The following BTG2 variants were observed in gnomAD, a reference collection of about 807,000 sequenced individuals.
The protein encoded by BTG2 is protein BTG2.
In BTG2, 9 loss-of-function variants were observed where a neutral mutation model predicts 13.1. That is an observed-to-expected ratio of 0.69 (90% CI 0.41 to 1.20). The LOEUF (loss-of-function observed/expected upper bound fraction) is 1.20. Ranked by LOEUF, BTG2 falls within the 50% of genes most tolerant of loss-of-function variation. The probability of loss-of-function intolerance (pLI) is 0.00; values close to 1 mark genes in which losing one functional copy is unlikely to be tolerated. For synonymous variants in BTG2, 92 were observed against 88.6 expected (o/e 1.04, Z -0.21); for missense variants, 200 against 209.5 (o/e 0.95, Z 0.28).
rs61749326 is a variant in BTG2, at chr1:203,307,309, C to T, written c.348C>T (p.Asp116=). 15,628 of 1,614,140 alleles carry T rather than the reference C, an allele frequency of 9.7e-3. 112 individuals carry two copies. The highest frequency in any genetic ancestry group is 0.012 in the Non-Finnish European group (14,028 of 1,180,008). ...AGGTGTCCTACCGCATTGGGGAGGACGGCTCCATCTGCGTCTTGTACGAGG... is the reference window on the plus strand; with the variant it reads ...AGGTGTCCTACCGCATTGGGGAGGATGGCTCCATCTGCGTCTTGTACGAGG... ...PYEVSYRIGE[D]GSICVLYEEA... The change falls in exon 2 of 2, where the codon GAC becomes GAT. Residue 116 remains aspartate, a synonymous_variant. Coordinates refer to ENST00000290551, the MANE Select transcript of BTG2 (RefSeq NM_006763.3).
In BTG2 at chr1:203,305,566, T is replaced by A; in HGVS notation, c.-41T>A. On this transcript the variant is annotated 5_prime_UTR_variant, in exon 1 of 2. Transcript: ENST00000290551. Reference sequence around the variant, plus strand: ...TAACGCTGTCTTGTGGACCCGCACTTCCCACCCGAGACCTCTCACTGAGCC... The same window carrying A: ...TAACGCTGTCTTGTGGACCCGCACTACCCACCCGAGACCTCTCACTGAGCC... 1 of 1,583,566 alleles carries A rather than the reference T, an allele frequency of 6.3e-7. No individual in the cohort carries two copies. Among genetic ancestry groups the A allele is most frequent in the Non-Finnish European group, 8.6e-7 (1 of 1,164,650 alleles).
chr1:203,306,025 A>G (rs1658253903), intron 1 of BTG2, among the ~76,000 whole-genome samples: 1 of 152,126 alleles, frequency 6.6e-6, no homozygotes, highest in African/African-American at 2.4e-5. Flanking sequence ...CCGAGTCCCC[A>G]GCTTATGCCC....
At chr1:203,306,800 GCACA>G (rs34485564) in intron 1 of BTG2, among the ~76,000 whole-genome samples, 2,531 of 142,822 alleles carry the variant, frequency 0.018, 44 homozygotes, top group Middle Eastern at 0.06. Context: ...CTCCCAACAC[GCACA>G]CACACACACA....
At chr1:203,306,385 A>G (rs1224005162) in intron 1 of BTG2, among the ~76,000 whole-genome samples, 2 of 152,168 alleles carry the variant, frequency 1.3e-5, no homozygotes, top group South Asian at 2.1e-4. Flanking sequence ...AGAGATAAGC[A>G]GCCCGCTCGC....
Position 203,308,020 on chromosome 1 carries a change from C to G in BTG2, c.*582C>G, listed in dbSNP as rs1317100154. On this transcript the variant is annotated 3_prime_UTR_variant, in exon 2 of 2. Coordinates refer to ENST00000290551, the MANE Select transcript of BTG2 (RefSeq NM_006763.3). Reference sequence around the variant, plus strand: ...CTCTCCTGATTCCTACTGTCCTAAGCTGCTTTTCTTGAAATCATGACTTGT... The same window carrying G: ...CTCTCCTGATTCCTACTGTCCTAAGGTGCTTTTCTTGAAATCATGACTTGT... 6.6e-6 allele frequency: 1 copy of G among 152,656 alleles called. No individual in the cohort carries two copies. Among genetic ancestry groups the G allele is most frequent in the Non-Finnish European group, 1.5e-5 (1 of 68,064 alleles). 9.5% of individuals were successfully genotyped at this position (152,656 alleles called of 1,614,324 possible). A position where few individuals can be genotyped will look rare whatever the true frequency, so the allele number is the denominator to read the frequency against.
At chr1:203,306,874 A>ACACT (rs61158126) in intron 1 of BTG2, among the ~76,000 whole-genome samples, 3 of 139,504 alleles carry the variant, frequency 2.2e-5, no homozygotes, top group African/African-American at 8.1e-5. Flanking sequence ...ACACACACAC[A>ACACT]CTCTCTCACA....
chr1:203,306,810 A>ACT (rs1408747723), intron 1 of BTG2, among the ~76,000 whole-genome samples: 26 of 136,226 alleles, frequency 1.9e-4, no homozygotes, highest in Admixed American at 2.2e-4. Flanking sequence ...GCACACACAC[A>ACT]CACACACACA....
At position 203,307,217 on chromosome 1, in the gene BTG2, G is replaced by T. The variant is rs770026388; in HGVS notation, c.256G>T (p.Gly86Ter). ...CATCAGCAGGGTGGCCAGCCAGATCGGACTCAGCCAGCCCCAGCTGCACCA... is the reference window on the plus strand; with the variant it reads ...CATCAGCAGGGTGGCCAGCCAGATCTGACTCAGCCAGCCCCAGCTGCACCA... The part of the protein sequence containing the change: ...PIISRVASQI[G>*]LSQPQLHQLL... The change falls in exon 2 of 2, where the codon GGA (glycine) becomes TGA (stop). Residue 86 changes from glycine to a stop codon, truncating the protein, a stop_gained. Transcript: ENST00000290551. LOFTEE classifies it high-confidence loss of function. 35 of 1,614,104 alleles carry T rather than the reference G, an allele frequency of 2.2e-5. No homozygotes were observed. The highest frequency in any genetic ancestry group is 3.0e-5 in the Non-Finnish European group (35 of 1,180,052).
rs1658307143 is a variant in BTG2, at chr1:203,307,567, A to C, written c.*129A>C. The C allele has an allele frequency of 2.6e-6, 2 of 770,592 alleles. No homozygotes were observed. The highest frequency in any genetic ancestry group is 1.8e-6 in the Non-Finnish European group (1 of 557,004). The allele number at this position is 770,592 out of a possible 1,614,324, so 47.7% of individuals were successfully genotyped here. On this transcript the variant is annotated 3_prime_UTR_variant, in exon 2 of 2. Coordinates refer to ENST00000290551, the MANE Select transcript of BTG2 (RefSeq NM_006763.3). The stretch of plus-strand genomic sequence containing the variant: ...TTATATATATTATTTTTTTTTAAGA[A>C]AGGAGGAAAAGAAACCAAAAGTTTT...
intron 1 of BTG2, 70 bp downstream of exon 1, chr1:203,305,818 T>G (rs557158078): frequency 9.4e-5 from 140 of 1,495,098 alleles, no homozygotes; most frequent in Non-Finnish European, 1.1e-4. Flanking sequence ...GTCTTTCTTC[T>G]ACTCCTGCGG....
At chr1:203,306,297 A>T (rs1658270738) in intron 1 of BTG2, among the ~76,000 whole-genome samples, 1 of 152,196 alleles carries the variant, frequency 6.6e-6, no homozygotes. Flanking sequence ...CCCCTTAGCC[A>T]TCTGCCACCT....
chr1:203,306,045 T>A (rs1658254794), intron 1 of BTG2, among the ~76,000 whole-genome samples: 1 of 152,222 alleles, frequency 6.6e-6, no homozygotes, highest in Non-Finnish European at 1.5e-5. Context: ...CCTGTCTCAT[T>A]ACGGGCTCGT....
chr1:203,305,918 T>G, intron 1 of BTG2, among the ~76,000 whole-genome samples, 170 bp downstream of exon 1: 1 of 151,840 alleles, frequency 6.6e-6, no homozygotes, highest in East Asian at 1.9e-4. Flanking sequence ...TGGGTCCTCC[T>G]CCCCAGCCCT....
In BTG2 at chr1:203,307,584, A is replaced by G. The variant is rs1658307257; in HGVS notation, c.*146A>G. 2 of 691,332 alleles carry G rather than the reference A, an allele frequency of 2.9e-6. No individual in the cohort carries two copies. Among genetic ancestry groups the G allele is most frequent in the African/African-American group, 1.9e-5 (1 of 53,762 alleles). The allele number at this position is 691,332 out of a possible 1,614,324, so 42.8% of individuals were successfully genotyped here. A position where few individuals can be genotyped will look rare whatever the true frequency, so the allele number is the denominator to read the frequency against. On this transcript the variant is annotated 3_prime_UTR_variant, in exon 2 of 2. Transcript: ENST00000290551. Reference sequence around the variant, plus strand: ...TTTTAAGAAAGGAGGAAAAGAAACCAAAAGTTTTTTTTAAGAAAAAAAATC... The same window carrying G: ...TTTTAAGAAAGGAGGAAAAGAAACCGAAAGTTTTTTTTAAGAAAAAAAATC...
intron 1 of BTG2, among the ~76,000 whole-genome samples, chr1:203,306,247 T>G (rs942812972): frequency 6.6e-6 from 1 of 152,292 alleles, no homozygotes; most frequent in South Asian, 2.1e-4. Context: ...CTGACTGGCT[T>G]CAAGTTGGAA....
chr1:203,306,347 C>T (rs2102284629), intron 1 of BTG2, among the ~76,000 whole-genome samples: 1 of 152,210 alleles, frequency 6.6e-6, no homozygotes, highest in Non-Finnish European at 1.5e-5. Flanking sequence ...CGTGACCCTG[C>T]CGTGCGGGCC....
chr1:203,306,445 G>A (rs532103682), intron 1 of BTG2, among the ~76,000 whole-genome samples: 1 of 152,204 alleles, frequency 6.6e-6, no homozygotes, highest in African/African-American at 2.4e-5. Flanking sequence ...GTTACTGTCA[G>A]TTTTGGGAAG....
rs1658323137 is a variant in BTG2 at position 203,308,465 on chromosome 1, C to T, written c.*1027C>T. 6.6e-6 allele frequency: 1 copy of T among 152,580 alleles called. No homozygotes were observed. Among genetic ancestry groups the T allele is most frequent in the African/African-American group, 2.4e-5 (1 of 41,422 alleles). The allele number at this position is 152,580 out of a possible 1,614,324, so 9.5% of individuals were successfully genotyped here. On this transcript the variant is annotated 3_prime_UTR_variant, in exon 2 of 2. Transcript: ENST00000290551. ...CCTTCTGGTCGGGTCATAGAGCTAC[C>T]GTATTTTCTAGGACAAGAGTTCTCA...
chr1:203,306,145 A>G (rs1231464107), intron 1 of BTG2, among the ~76,000 whole-genome samples: 1 of 152,276 alleles, frequency 6.6e-6, no homozygotes, highest in African/African-American at 2.4e-5. Context: ...TGAGGGAAGA[A>G]GGTGCAGTCG....
Sources: gnomAD v4.1 joint callset for allele counts (sites outside exome capture counted in the v4.1 genomes callset) on GRCh38, gnomAD v4.1.1 for gene constraint, MANE v1.5 for transcripts, NCBI Gene and HGNC (gene_info 2026-07-23, HGNC 2026-07-21) for gene names.